The following IMPG1 variants were observed in gnomAD, a reference collection of about 807,000 sequenced individuals.
IMPG1 encodes interphotoreceptor matrix proteoglycan of 150 kDa.
Under a neutral mutation model 92.0 loss-of-function variants are expected in IMPG1, and 85 were observed. The observed-to-expected ratio is 0.92, with a 90% CI of 0.78 to 1.11. The LOEUF (loss-of-function observed/expected upper bound fraction) is 1.11. IMPG1 is among the 50% of genes least tolerant of loss of function. IMPG1 has a pLI of 0.00. For missense variants in IMPG1, 1,022 were observed against 956.0 expected (o/e 1.07, Z -0.91); for synonymous variants, 367 against 334.1 (o/e 1.10, Z -1.08).
chr6:76,011,096 G>A (rs1783176418), intron 8 of IMPG1, 70 bp downstream of exon 8: 1 of 840,192 alleles, frequency 1.2e-6, no homozygotes, highest in Non-Finnish European at 2.0e-6. Flanking sequence ...AATCCTTATG[G>A]CATTGTTTTT....
rs758124177 is a variant in IMPG1, at chr6:76,025,273, G to C, written c.498-15C>G. ...TTTCATCTTTTCTATTAGTACAATA[G>C]AAAAGAAGGAAGAGGTGGTGAAAGA... On this transcript the variant is annotated splice_polypyrimidine_tract_variant and intron_variant, in intron 4 of 16. Transcript: ENST00000369950. 2 of 1,470,260 alleles carry C rather than the reference G, an allele frequency of 1.4e-6. No homozygotes were observed. Among genetic ancestry groups the C allele is most frequent in the Non-Finnish European group, 1.9e-6 (2 of 1,058,090 alleles). 91.1% of individuals were successfully genotyped at this position (1,470,260 alleles called of 1,614,324 possible).
intron 1 of IMPG1, among the ~76,000 whole-genome samples, chr6:76,047,663 G>C (rs112134380): frequency 1.3e-5 from 2 of 152,244 alleles, no homozygotes; most frequent in African/African-American, 4.8e-5. Flanking sequence ...ACATGACAGA[G>C]ATGCAATACA....
intron 12 of IMPG1, among the ~76,000 whole-genome samples, chr6:75,959,163 G>A (rs955785940): frequency 2.0e-5 from 3 of 152,052 alleles, no homozygotes; most frequent in Non-Finnish European, 4.4e-5. Flanking sequence ...TGGAGTTTGC[G>A]GGAGGTCCAC....
chr6:76,006,514 A>T (rs1582099646), intron 9 of IMPG1, among the ~76,000 whole-genome samples: 1 of 149,990 alleles, frequency 6.7e-6, no homozygotes, highest in African/African-American at 2.4e-5. Context: ...ACCTATATAC[A>T]TATGGGTATA....
intron 12 of IMPG1, among the ~76,000 whole-genome samples, chr6:75,986,117 G>A (rs1782713941): frequency 6.6e-6 from 1 of 151,766 alleles, no homozygotes; most frequent in African/African-American, 2.4e-5. Flanking sequence ...ATGTACCATG[G>A]GTTTTTTTTG....
chr6:75,987,411 C>T (rs1782735073), intron 12 of IMPG1, among the ~76,000 whole-genome samples: 1 of 151,114 alleles, frequency 6.6e-6, no homozygotes, highest in Admixed American at 6.6e-5. Context: ...CCCCTTAACT[C>T]GTCATTTACA....
chr6:75,929,093 C>G (rs571287870), intron 15 of IMPG1, among the ~76,000 whole-genome samples: 1 of 152,274 alleles, frequency 6.6e-6, no homozygotes, highest in East Asian at 1.9e-4. Context: ...TATCTTGGTG[C>G]ACAGGTACAA....
intron 2 of IMPG1, among the ~76,000 whole-genome samples, chr6:76,041,252 A>G (rs543706095): frequency 6.6e-6 from 1 of 152,358 alleles, no homozygotes; most frequent in African/African-American, 2.4e-5. Context: ...GTTTCTGGCA[A>G]TGCCATCAGA....
chr6:75,950,615 A>G lies in IMPG1; in HGVS notation c.1771T>C (p.Phe591Leu). 6.2e-7 allele frequency: 1 copy of G among 1,613,772 alleles called. No individual in the cohort carries two copies. The highest frequency in any genetic ancestry group is 8.5e-7 in the Non-Finnish European group (1 of 1,179,806). ...VANMAFSNDL[F>L]NKSSLEYRAL... is the part of the protein sequence containing the mutation. Reference sequence around the variant, plus strand: ...CGGTACTCCAGAGAGCTCTTGTTGAACAGGTCGTTGGAGAAGGCCATGTTA... The same window carrying G: ...CGGTACTCCAGAGAGCTCTTGTTGAGCAGGTCGTTGGAGAAGGCCATGTTA... Residue 591 changes from phenylalanine to leucine, a missense_variant, in exon 13 of 17, where the codon TTC becomes CTC. Coordinates refer to ENST00000369950, the MANE Select transcript of IMPG1 (RefSeq NM_001563.4).
intron 5 of IMPG1, among the ~76,000 whole-genome samples, chr6:76,024,363 GA>G (rs1202749074): frequency 2.0e-5 from 3 of 150,522 alleles, no homozygotes; most frequent in Non-Finnish European, 4.4e-5. Context: ...ATTGCCCAGA[GA>G]ATAGTTTTAT....
intron 12 of IMPG1, among the ~76,000 whole-genome samples, chr6:75,965,916 T>C (rs570969263): frequency 3.3e-5 from 5 of 152,360 alleles, no homozygotes; most frequent in African/African-American, 7.2e-5. Flanking sequence ...CACACACTTG[T>C]TCTTTACCAG....
At chr6:76,030,282 C>T (rs72891773) in intron 4 of IMPG1, among the ~76,000 whole-genome samples, 16 of 152,046 alleles carry the variant, frequency 1.1e-4, no homozygotes, top group Admixed American at 3.3e-4. Flanking sequence ...CACTGGGATT[C>T]GGGGATGCAA....
chr6:75,948,655 C>T (rs1329006912), intron 13 of IMPG1, among the ~76,000 whole-genome samples: 1 of 152,140 alleles, frequency 6.6e-6, no homozygotes, highest in Non-Finnish European at 1.5e-5. Context: ...ATTGCTTTGG[C>T]CTGGGGTAGA....
chr6:76,018,499 CTG>C (rs1205274336), intron 7 of IMPG1, among the ~76,000 whole-genome samples: 13 of 152,200 alleles, frequency 8.5e-5, no homozygotes, highest in Non-Finnish European at 1.9e-4. Flanking sequence ...GTGGGGACCA[CTG>C]CAAGTTTTGA....
chr6:75,956,896 G>T (rs1582066189), intron 12 of IMPG1, among the ~76,000 whole-genome samples: 1 of 151,990 alleles, frequency 6.6e-6, no homozygotes, highest in Non-Finnish European at 1.5e-5. Context: ...CCAGGTAGTT[G>T]TATCATTTTG....
At chr6:76,029,079 C>T (rs753817515) in intron 4 of IMPG1, among the ~76,000 whole-genome samples, 20 of 152,342 alleles carry the variant, frequency 1.3e-4, no homozygotes, top group African/African-American at 4.8e-4. Flanking sequence ...ACTTACAGAA[C>T]TAATAAAACT....
chr6:75,939,529 A>C (rs923160724), intron 14 of IMPG1, among the ~76,000 whole-genome samples: 4 of 152,162 alleles, frequency 2.6e-5, no homozygotes, highest in East Asian at 1.9e-4. Context: ...AGGACATGAA[A>C]TCATCCTTTT....
At chr6:76,003,853 A>G (rs1783042947) in intron 11 of IMPG1, 21 bp downstream of exon 11, 2 of 1,588,702 alleles carry the variant, frequency 1.3e-6, no homozygotes, top group East Asian at 4.5e-5. Context: ...TAGTTAAAGA[A>G]CAAAAGGACA....
chr6:75,955,480 C>T (rs1396372526), intron 12 of IMPG1, among the ~76,000 whole-genome samples: 1 of 152,144 alleles, frequency 6.6e-6, no homozygotes. Context: ...TGAGACTTAT[C>T]AGCTTAAGGA....
Sources: allele counts gnomAD v4.1 joint callset (sites outside exome capture counted in the v4.1 genomes callset), GRCh38; gene constraint gnomAD v4.1.1; transcripts MANE v1.5; gene names NCBI Gene and HGNC (gene_info 2026-07-23, HGNC 2026-07-21).